Variants in ADK observed in about 807,000 individuals in gnomAD.
ADK encodes the protein adenosine kinase.
A neutral mutation model predicts 44.7 loss-of-function variants in ADK; 24 were observed. The ratio of observed to expected loss-of-function variants is 0.54; its 90% CI spans 0.39 to 0.76. The LOEUF is 0.76. Ranked by LOEUF, ADK falls within the 30% of genes least tolerant of loss-of-function variation. ADK has a pLI of 0.00. For synonymous variants in ADK, 128 were observed against 142.6 expected (o/e 0.90, Z 0.73); for missense variants, 321 against 425.1 (o/e 0.76, Z 2.15).
intron 2 of ADK, among the ~76,000 whole-genome samples, chr10:74,207,149 C>T (rs1054443664): frequency 2.6e-5 from 4 of 152,188 alleles, no homozygotes; most frequent in African/African-American, 4.8e-5. Flanking sequence ...AAGCTTGCGG[C>T]TGGATCTGAT....
intron 3 of ADK, among the ~76,000 whole-genome samples, chr10:74,305,828 G>A (rs1840228274): frequency 6.6e-6 from 1 of 152,128 alleles, no homozygotes; most frequent in African/African-American, 2.4e-5. Flanking sequence ...TTGGACTGAA[G>A]TGATCGTCCT....
intron 6 of ADK, among the ~76,000 whole-genome samples, chr10:74,411,188 T>C (rs1315613875): frequency 6.6e-6 from 1 of 152,212 alleles, no homozygotes; most frequent in African/African-American, 2.4e-5. Context: ...GCAGGTGTCC[T>C]TAACTGTTTC....
chr10:74,186,538 A>G (rs557098930), intron 1 of ADK, among the ~76,000 whole-genome samples: 1 of 151,730 alleles, frequency 6.6e-6, no homozygotes, highest in African/African-American at 2.4e-5. Context: ...TCCTGAGCCC[A>G]AGTGATCCAC....
chr10:74,643,998 C>T (rs1402983721), intron 9 of ADK, among the ~76,000 whole-genome samples: 1 of 152,204 alleles, frequency 6.6e-6, no homozygotes, highest in African/African-American at 2.4e-5. Context: ...TTTCTATCAT[C>T]CTCTGTATTA....
intron 3 of ADK, among the ~76,000 whole-genome samples, chr10:74,276,246 C>A (rs1846673600): frequency 6.6e-6 from 1 of 152,130 alleles, no homozygotes; most frequent in Non-Finnish European, 1.5e-5. Flanking sequence ...CCCAACCTAT[C>A]CTTCCCCTGT....
At chr10:74,695,567 T>C (rs1854073810) in intron 10 of ADK, among the ~76,000 whole-genome samples, 1 of 147,912 alleles carries the variant, frequency 6.8e-6, no homozygotes, top group African/African-American at 2.5e-5. Flanking sequence ...CTGCTCTCAA[T>C]GAAAATATTG....
chr10:74,497,255 A>T (rs1210964106), intron 6 of ADK, among the ~76,000 whole-genome samples: 1 of 152,226 alleles, frequency 6.6e-6, no homozygotes, highest in African/African-American at 2.4e-5. Context: ...TTACACTGGG[A>T]TGTGGTACTT....
Position 74,398,534 on chromosome 10 carries a change from G to A in ADK, c.510G>A (p.Glu170=). ...AAAAGGAAAAACATCTTGATCTGGA[G>A]AAAAACTGGATGTTGGTAGAAAAAG... ...CYKKEKHLDL[E]KNWMLVEKAR... is the part of the protein sequence containing the mutation. The change falls in exon 6 of 11, where the codon GAG becomes GAA. Residue 170 remains glutamate, a synonymous_variant. Transcript: ENST00000539909. 1 of 1,611,684 alleles carries A rather than the reference G, an allele frequency of 6.2e-7. No homozygotes were observed. The highest frequency in any genetic ancestry group is 8.5e-7 in the Non-Finnish European group (1 of 1,178,524).
chr10:74,331,780 C>G (rs1448012802), intron 4 of ADK, among the ~76,000 whole-genome samples: 1 of 152,170 alleles, frequency 6.6e-6, no homozygotes, highest in Non-Finnish European at 1.5e-5. Flanking sequence ...GCCACTGCAC[C>G]CAGCCAACAT....
intron 6 of ADK, among the ~76,000 whole-genome samples, chr10:74,415,182 A>C (rs1404938308): frequency 2.0e-5 from 3 of 152,242 alleles, no homozygotes; most frequent in Non-Finnish European, 4.4e-5. Context: ...GAAAATAAGC[A>C]TATGTATAGC....
At chr10:74,427,721 ATATGTATG>A (rs1183854859) in intron 6 of ADK, among the ~76,000 whole-genome samples, 15 of 106,150 alleles carry the variant, frequency 1.4e-4, no homozygotes, top group South Asian at 1.0e-3. Context: ...TTGTATATGT[ATATGTATG>A]TGTGTGTGTG....
chr10:74,587,742 T>G (rs999238677), intron 7 of ADK, among the ~76,000 whole-genome samples: 5 of 152,082 alleles, frequency 3.3e-5, no homozygotes, highest in Non-Finnish European at 7.4e-5. Context: ...CTGCAGTTTT[T>G]TTTTTTTTTC....
intron 3 of ADK, among the ~76,000 whole-genome samples, chr10:74,234,603 G>A (rs1844892935): frequency 6.6e-6 from 1 of 152,134 alleles, no homozygotes; most frequent in Non-Finnish European, 1.5e-5. Context: ...GTCACAATTT[G>A]TAGGTAATAC....
At chr10:74,682,570 C>A (rs1368028086) in intron 10 of ADK, among the ~76,000 whole-genome samples, 1 of 90,714 alleles carries the variant, frequency 1.1e-5, no homozygotes, top group Non-Finnish European at 2.5e-5. Flanking sequence ...CTTTTCTTTT[C>A]TTTTCTTTTT....
At chr10:74,509,477 C>T (rs1848218212) in intron 6 of ADK, 1 of 152,330 alleles carries the variant, frequency 6.6e-6, no homozygotes, top group Non-Finnish European at 1.5e-5. Flanking sequence ...AGGCGTAAGC[C>T]ACCGTGCCCG....
At chr10:74,586,280 A>C (rs1033656301) in intron 7 of ADK, among the ~76,000 whole-genome samples, 1 of 152,212 alleles carries the variant, frequency 6.6e-6, no homozygotes. Flanking sequence ...GTCAGAAGAT[A>C]AGATCATTTT....
intron 1 of ADK, among the ~76,000 whole-genome samples, chr10:74,182,045 G>A (rs982707295): frequency 3.3e-5 from 5 of 152,072 alleles, no homozygotes; most frequent in Non-Finnish European, 7.4e-5. Context: ...GGGTCGTGGG[G>A]TATTTTCCTT....
At chr10:74,685,538 G>C (rs1214480994) in intron 10 of ADK, among the ~76,000 whole-genome samples, 1 of 152,194 alleles carries the variant, frequency 6.6e-6, no homozygotes, top group Non-Finnish European at 1.5e-5. Context: ...TGTTGCATAA[G>C]AGGGCACCTC....
intron 4 of ADK, among the ~76,000 whole-genome samples, chr10:74,345,241 G>A (rs1291624806): frequency 6.6e-6 from 1 of 151,030 alleles, no homozygotes; most frequent in Non-Finnish European, 1.5e-5. Flanking sequence ...TTGTTTAATG[G>A]CTATTCTTTC....
Sources: gnomAD v4.1 joint callset for allele counts (sites outside exome capture counted in the v4.1 genomes callset) on GRCh38, gnomAD v4.1.1 for gene constraint, MANE v1.5 for transcripts, NCBI Gene and HGNC (gene_info 2026-07-23, HGNC 2026-07-21) for gene names.